USP4: variants seen among roughly 807,000 people sequenced by gnomAD.
USP4 encodes the protein ubiquitin carboxyl-terminal hydrolase 4.
A neutral mutation model predicts 118.2 loss-of-function variants in USP4; 72 were observed. The ratio of observed to expected loss-of-function variants is 0.61; its 90% CI spans 0.50 to 0.74. USP4 has a LOEUF of 0.74. Ranked by LOEUF, USP4 falls within the 30% of genes least tolerant of loss-of-function variation. The pLI is 0.00. For missense variants in USP4, 1,037 were observed against 1,185.7 expected (o/e 0.87, Z 1.84); for synonymous variants, 415 against 440.4 (o/e 0.94, Z 0.72).
chr3:49,296,259 C>T (rs560135959), intron 13 of USP4, among the ~76,000 whole-genome samples: 3 of 151,406 alleles, frequency 2.0e-5, no homozygotes, highest in East Asian at 2.0e-4. Context: ...ACCTGGGAGG[C>T]GGAGCTTGCA....
Position 49,290,810 on chromosome 3 carries a change from C to T in USP4, c.1972+1700G>A, listed in dbSNP as rs1460267575. Among the ~76,000 whole-genome samples, 5 of 152,266 alleles carry T rather than the reference C, an allele frequency of 3.3e-5. No homozygotes were observed. In the East Asian group the frequency reaches 5.8e-4, roughly 18 times the overall value. ...GATTACAGGCATGAGCCATCGCACC[C>T]GTCTGCAACTGAGAATTTATGTGCT... On this transcript the variant is annotated intron_variant, in intron 15 of 21. Transcript: ENST00000265560.
chr3:49,337,328 A>C (rs1002237197), intron 1 of USP4, among the ~76,000 whole-genome samples: 1 of 152,162 alleles, frequency 6.6e-6, no homozygotes, highest in Non-Finnish European at 1.5e-5. Context: ...ATACACATAC[A>C]CATGTACATA....
intron 6 of USP4, among the ~76,000 whole-genome samples, chr3:49,314,572 C>A (rs1363824978): frequency 6.6e-6 from 1 of 152,210 alleles, no homozygotes; most frequent in East Asian, 1.9e-4. Context: ...CAAGGCTGGT[C>A]TGATATGCAA....
In USP4 at chr3:49,340,021, C is replaced by T. The variant is rs757841637; in HGVS notation, c.4G>A (p.Ala2Thr). ...CGCTCACGGCAGCCTCCACCTTCCG[C>T]CATCTCCTCCGCGGCCCCGGCCCAG... M[A>T]EGGGCRERPD... is the part of the protein sequence containing the mutation. Residue 2 changes from alanine (A) to threonine (T), a missense_variant, in exon 1 of 22, where the codon GCG (alanine) becomes ACG (threonine). Physicochemically the swap from Ala to Thr is moderately conservative, Grantham distance 58. Around this residue, in one of 3 missense-constraint regions of USP4, gnomAD observed 487 missense variants for 534.1 expected, o/e 0.91. Coordinates refer to ENST00000265560, the MANE Select transcript of USP4 (RefSeq NM_003363.4). 106 of 1,606,764 alleles carry T rather than the reference C, an allele frequency of 6.6e-5. No individual in the cohort carries two copies. Among genetic ancestry groups the T allele is most frequent in the Non-Finnish European group, 8.8e-5 (104 of 1,179,662 alleles).
rs1246003722 is a variant in USP4 at position 49,324,982 on chromosome 3, C to T, written c.545G>A (p.Arg182Gln). The T allele has an allele frequency of 1.2e-6, 2 of 1,613,818 alleles. No homozygotes were observed. Among genetic ancestry groups the T allele is most frequent in the Non-Finnish European group, 8.5e-7 (1 of 1,179,998 alleles). ...LFNIPAERET[R>Q]LWNKYMSNTY... ...GTTGCTCATGTATTTGTTCCAGAGC[C>T]GTGTTTCACGCTCCGCAGGGATGTT... The change falls in exon 5 of 22, where the codon CGG becomes CAG. Residue 182 changes from arginine (R) to glutamine (Q), a missense_variant. Physicochemically the swap from Arg to Gln is conservative, Grantham distance 43. Transcript: ENST00000265560.
chr3:49,330,660 T>G lies in USP4; in HGVS notation c.230-2844A>C, dbSNP rs867413586. The stretch of plus-strand genomic sequence containing the variant: ...TAACATTTTGATAAGATTAGCTCAG[T>G]GCTTTTTCTGAGCAGTAGGTCTCAA... On this transcript the variant is annotated intron_variant, in intron 2 of 21. Transcript: ENST00000265560. 7.9e-5 allele frequency among the ~76,000 whole-genome samples: 12 copies of G among 152,106 alleles called. 1 individual carries two copies. The South Asian group carries it at 1.0e-3, about 13-fold the overall frequency.
chr3:49,337,953 G>A (rs985240119), intron 1 of USP4, among the ~76,000 whole-genome samples: 4 of 146,606 alleles, frequency 2.7e-5, no homozygotes, highest in Admixed American at 7.1e-5. Context: ...GGCTGAAGCA[G>A]GAGAATCGCT....
chr3:49,283,008 CTTTTTTTTTTT>C (rs71077783), intron 19 of USP4, among the ~76,000 whole-genome samples: 36 of 78,266 alleles, frequency 4.6e-4, no homozygotes, highest in African/African-American at 1.5e-3. Flanking sequence ...GTGCCGGCCT[CTTTTTTTTTTT>C]TTTTTTTTTT....
rs1364031223 is a variant in USP4, at chr3:49,277,203, C to T, written c.*1090G>A. On this transcript the variant is annotated 3_prime_UTR_variant, in exon 22 of 22. Transcript: ENST00000265560. ...GTCCTCACCCGCAGCGCAGTGACGC[C>T]GACCCATCCAACGGTCATCGCATGC... The T allele has an allele frequency of 1.8e-5, 24 of 1,345,234 alleles. No individual in the cohort carries two copies. Among genetic ancestry groups the T allele is most frequent in the African/African-American group, 2.9e-5 (2 of 68,074 alleles). 83.3% of individuals were successfully genotyped at this position (1,345,234 alleles called of 1,614,324 possible).
intron 20 of USP4, 56 bp from the exon 21 acceptor site, chr3:49,278,958 G>C: frequency 8.2e-7 from 1 of 1,221,234 alleles, no homozygotes; most frequent in South Asian, 1.4e-5. Context: ...AATCTGGCTA[G>C]CTTATTAGGC....
rs562454734 is a variant in USP4 at position 49,305,944 on chromosome 3, A to C, written c.955-56T>G. ...ACCTTCTAGACAGTACCAGAGATAC[A>C]AGATAAATCAAGTTCTAAAGGGTCA... On this transcript the variant is annotated intron_variant, in intron 8 of 21. Transcript: ENST00000265560. 12 of 1,488,232 alleles carry C rather than the reference A, an allele frequency of 8.1e-6. No individual in the cohort carries two copies. The Admixed American group carries it at 1.4e-4, about 18-fold the overall frequency. The allele number at this position is 1,488,232 out of a possible 1,614,324, so 92.2% of individuals were successfully genotyped here.
intron 6 of USP4, chr3:49,317,444 C>CCATG (rs898398791): frequency 1.2e-6 from 1 of 845,366 alleles, no homozygotes; most frequent in African/African-American, 1.7e-5. Flanking sequence ...TTCTGCAGCG[C>CCATG]CATGCCCTGC....
In USP4 at chr3:49,277,372, T is replaced by C; in HGVS notation, c.*921A>G. 1 of 586,008 alleles carries C rather than the reference T, an allele frequency of 1.7e-6. No individual in the cohort carries two copies. The highest frequency in any genetic ancestry group is 2.6e-6 in the Non-Finnish European group (1 of 389,790). 36.3% of individuals were successfully genotyped at this position (586,008 alleles called of 1,614,324 possible). On this transcript the variant is annotated 3_prime_UTR_variant, in exon 22 of 22. Transcript: ENST00000265560. ...TGGGAGTGGGGACGGGGCTTTCGAA[T>C]GGGGGCCCCGGGAAGAGTCTTGGCA...
intron 6 of USP4, chr3:49,311,876 T>G: frequency 8.3e-7 from 1 of 1,208,690 alleles, no homozygotes; most frequent in Non-Finnish European, 1.0e-6. Context: ...CACATACCCT[T>G]TCAGTGTGAA....
rs538976269 is a variant in USP4, at chr3:49,284,795, C to G, written c.2271+54G>C. The G allele has an allele frequency of 1.2e-5, 18 of 1,532,382 alleles. 1 individual carries two copies. The South Asian group carries it at 1.9e-4, about 16-fold the overall frequency. 94.9% of individuals were successfully genotyped at this position (1,532,382 alleles called of 1,614,324 possible). A position where few individuals can be genotyped will look rare whatever the true frequency, so the allele number is the denominator to read the frequency against. ...AACTGGTGAAAGTGATCGCAGTCCA[C>G]ATCCAGAGCAGAAACCAGCAGACAC... On this transcript the variant is annotated intron_variant, in intron 17 of 21. Transcript: ENST00000265560.
chr3:49,289,785 T>A (rs2047132772), intron 15 of USP4, among the ~76,000 whole-genome samples: 1 of 149,792 alleles, frequency 6.7e-6, no homozygotes, highest in Non-Finnish European at 1.5e-5. Context: ...GGTGACAGAG[T>A]GAGACTCAGT....
At position 49,302,477 on chromosome 3, in the gene USP4, C is replaced by G. The variant is rs2047271656; in HGVS notation, c.1194G>C (p.Leu398=). The change falls in exon 10 of 22, where the codon CTG becomes CTC. Residue 398 remains leucine (L), a synonymous_variant. Coordinates refer to ENST00000265560, the MANE Select transcript of USP4 (RefSeq NM_003363.4). ...CATGCAATCCATCTAGAAGAAAGGC[C>G]AGCAGCTCCTGAGAATCTTGTTGCT... ...GYQQQDSQEL[L]AFLLDGLHED... is the part of the protein sequence containing the mutation. 6.2e-7 allele frequency: 1 copy of G among 1,614,166 alleles called. No individual in the cohort carries two copies. Among genetic ancestry groups the G allele is most frequent in the Non-Finnish European group, 8.5e-7 (1 of 1,180,022 alleles).
intron 1 of USP4, 148 bp downstream of exon 1, chr3:49,339,776 G>T: frequency 1.6e-6 from 1 of 612,224 alleles, no homozygotes; most frequent in Non-Finnish European, 2.8e-6. Context: ...TGATCCTGGA[G>T]TTATTCTCCT....
chr3:49,317,074 T>C (rs1276835761), intron 6 of USP4: 1 of 1,240,904 alleles, frequency 8.1e-7, no homozygotes, highest in South Asian at 1.3e-5. Flanking sequence ...GCCCTGCCCA[T>C]GGTCTGGTCA....
Sources: allele counts gnomAD v4.1 joint callset (sites outside exome capture counted in the v4.1 genomes callset), GRCh38; gene constraint gnomAD v4.1.1; regional missense constraint gnomAD v4.1.1; transcripts MANE v1.5; gene names NCBI Gene and HGNC (gene_info 2026-07-23, HGNC 2026-07-21).